Variants in CEP295 observed in about 807,000 individuals in gnomAD.
CEP295 encodes the protein centrosomal protein of 295 kDa.
CEP295 carries 190 observed loss-of-function variants against 291.6 expected under a neutral mutation model. That is an observed-to-expected ratio of 0.65 (90% CI 0.58 to 0.73). The LOEUF (loss-of-function observed/expected upper bound fraction) is 0.73, where lower values mean the gene tolerates loss of function less well. Ranked by LOEUF, CEP295 falls within the 30% of genes least tolerant of loss-of-function variation. The pLI is 0.00. For synonymous variants in CEP295, 993 were observed against 1,038.8 expected (o/e 0.96, Z 0.85); for missense variants, 2,863 against 2,949.4 (o/e 0.97, Z 0.68).
Position 93,698,953 on chromosome 11 carries a change from A to G in CEP295, c.4041A>G (p.Gln1347=), listed in dbSNP as rs755984402. Residue 1347 remains glutamine (Q), a synonymous_variant, in exon 15 of 30, where the codon CAA becomes CAG. Coordinates refer to ENST00000325212, the MANE Select transcript of CEP295 (RefSeq NM_033395.2). ...GGATATCGCAACTTATCCAGCCTCA[A>G]CAAGATAATTTGAAGGCACTTCAAG... ...LLRISQLIQP[Q]QDNLKALQEQ... is the part of the protein sequence containing the mutation. 63 of 1,551,436 alleles carry G rather than the reference A, an allele frequency of 4.1e-5. 1 individual carries two copies. Among genetic ancestry groups the G allele is most frequent in the South Asian group, 4.0e-4 (34 of 84,068 alleles).
chr11:93,692,615 G>T (rs1195158773), intron 12 of CEP295, among the ~76,000 whole-genome samples: 3 of 151,892 alleles, frequency 2.0e-5, no homozygotes, highest in African/African-American at 7.3e-5. Flanking sequence ...AGGCCACCAT[G>T]CCCAGCTAAT....
At chr11:93,690,224 A>T (rs1427114586) in intron 10 of CEP295, among the ~76,000 whole-genome samples, 1 of 152,168 alleles carries the variant, frequency 6.6e-6, no homozygotes, top group East Asian at 1.9e-4. Flanking sequence ...ATCCTGGCTA[A>T]CACGGTGAAA....
Position 93,683,540 on chromosome 11 carries a change from A to T in CEP295, c.766-19A>T. On this transcript the variant is annotated intron_variant, in intron 7 of 29. Transcript: ENST00000325212. ...AAAGTTTGTGACTCAGTTTTTGTTA[A>T]TTCTCTTTATTCTTGAAGAATCAGG... The T allele has an allele frequency of 6.8e-7, 1 of 1,481,134 alleles. No homozygotes were observed. The highest frequency in any genetic ancestry group is 8.9e-7 in the Non-Finnish European group (1 of 1,119,316). The allele number at this position is 1,481,134 out of a possible 1,614,324, so 91.7% of individuals were successfully genotyped here.
At position 93,727,487 on chromosome 11, in the gene CEP295, A is replaced by G. The variant is rs930069173; in HGVS notation, c.7011A>G (p.Pro2337=). The G allele has an allele frequency of 3.9e-6, 6 of 1,551,896 alleles. No individual in the cohort carries two copies. The African/African-American group carries it at 6.8e-5, about 18-fold the overall frequency. ...AGATGGGAACTTCAATTCAGGCACC[A>G]TATTCCTTAACTACTCAAAATGAAA... ...TVEMGTSIQA[P]YSLTTQNEKY... Residue 2337 remains proline, a synonymous_variant, in exon 24 of 30, where the codon CCA becomes CCG. Transcript: ENST00000325212.
chr11:93,690,169 T>G (rs1951447733), intron 10 of CEP295, among the ~76,000 whole-genome samples: 1 of 152,212 alleles, frequency 6.6e-6, no homozygotes, highest in African/African-American at 2.4e-5. Context: ...CCCAGCACTT[T>G]GGGAGGCCCA....
chr11:93,668,336 A>G (rs1047492459), intron 3 of CEP295, among the ~76,000 whole-genome samples: 4 of 152,098 alleles, frequency 2.6e-5, no homozygotes, highest in Admixed American at 1.3e-4. Flanking sequence ...ATATCTTAAG[A>G]CTGTGGCAAT....
At chr11:93,713,931 C>G (rs1158925322) in intron 18 of CEP295, among the ~76,000 whole-genome samples, 1 of 152,146 alleles carries the variant, frequency 6.6e-6, no homozygotes, top group East Asian at 1.9e-4. Flanking sequence ...TTGATCAGTT[C>G]TACTATTAAG....
rs180938497 is a variant in CEP295 at position 93,666,599 on chromosome 11, A to C, written c.-26-83A>C. ...ACAGAGCAAGACTCTGTCTCAAAAAAAAACAAACAAAATTATTCTAATCTT... is the reference window on the plus strand; with the variant it reads ...ACAGAGCAAGACTCTGTCTCAAAAACAAACAAACAAAATTATTCTAATCTT... On this transcript the variant is annotated intron_variant, in intron 1 of 29. Transcript: ENST00000325212. The C allele has an allele frequency of 3.3e-4, 203 of 613,966 alleles. 1 individual carries two copies. In the East Asian group the frequency reaches 3.9e-3, roughly 12 times the overall value. The allele number at this position is 613,966 out of a possible 1,614,324, so 38.0% of individuals were successfully genotyped here. A position where few individuals can be genotyped will look rare whatever the true frequency, so the allele number is the denominator to read the frequency against.
rs1565224991 is a variant in CEP295, at chr11:93,727,422, G to T, written c.6946G>T (p.Val2316Leu). ...TCRVLDINPQ[V>L]EETDSRLCVR... ...TAGGGTTTTAGACATAAATCCACAGGTAGAGGAAACTGACTCTCGATTATG... is the reference window on the plus strand; with the variant it reads ...TAGGGTTTTAGACATAAATCCACAGTTAGAGGAAACTGACTCTCGATTATG... Residue 2316 changes from valine to leucine, a missense_variant, in exon 24 of 30, where the codon GTA (valine) becomes TTA (leucine). Around this residue, in one of 3 missense-constraint regions of CEP295, gnomAD observed 2,295 missense variants for 2,335.7 expected, o/e 0.98. Transcript: ENST00000325212. The T allele has an allele frequency of 6.4e-7, 1 of 1,551,710 alleles. No individual in the cohort carries two copies. Among genetic ancestry groups the T allele is most frequent in the Non-Finnish European group, 8.7e-7 (1 of 1,146,912 alleles).
At chr11:93,728,632 T>C in intron 24 of CEP295, 49 bp from the exon 25 acceptor site, 3 of 1,471,988 alleles carry the variant, frequency 2.0e-6, no homozygotes, top group Non-Finnish European at 2.7e-6. Flanking sequence ...TTAGTTTAAG[T>C]CTTTTAAGGC....
intron 3 of CEP295, among the ~76,000 whole-genome samples, chr11:93,668,519 C>T (rs1383216420): frequency 6.6e-6 from 1 of 152,064 alleles, no homozygotes; most frequent in Non-Finnish European, 1.5e-5. Context: ...GGGAAACTAC[C>T]CATATCACTA....
intron 19 of CEP295, 177 bp from the exon 20 acceptor site, chr11:93,721,777 A>C (rs747652079): frequency 5.5e-6 from 4 of 730,360 alleles, no homozygotes; most frequent in Non-Finnish European, 1.0e-5. Context: ...ATGTATGTCT[A>C]TGAAAGCCTA....
rs916537203 is a variant in CEP295, at chr11:93,683,584, T to C, written c.791T>C (p.Leu264Pro). The C allele has an allele frequency of 7.9e-6, 12 of 1,517,718 alleles. No homozygotes were observed. In the Admixed American group the frequency reaches 2.8e-4, roughly 36 times the overall value. 94.0% of individuals were successfully genotyped at this position (1,517,718 alleles called of 1,614,324 possible). The change falls in exon 8 of 30, where the codon CTC becomes CCC. Residue 264 changes from leucine (L) to proline (P), a missense_variant. Coordinates refer to ENST00000325212, the MANE Select transcript of CEP295 (RefSeq NM_033395.2). ...AATCAGGAGAAACTAATGAAAGAACTCAAACAGCTACAGCAAGAGGACCTG... is the reference window on the plus strand; with the variant it reads ...AATCAGGAGAAACTAATGAAAGAACCCAAACAGCTACAGCAAGAGGACCTG... Reference protein sequence around the residue: ...AQNQEKLMKELKQLQQEDLAR... With the variant: ...AQNQEKLMKEPKQLQQEDLAR...
chr11:93,716,847 G>GT (rs1953289482), intron 18 of CEP295, among the ~76,000 whole-genome samples: 1 of 152,170 alleles, frequency 6.6e-6, no homozygotes, highest in Admixed American at 6.5e-5. Context: ...CCTTCACTAT[G>GT]GTGCCTAGGC....
In CEP295 at chr11:93,697,709, C is replaced by A; in HGVS notation, c.2797C>A (p.Gln933Lys). The A allele has an allele frequency of 6.4e-7, 1 of 1,551,674 alleles. No individual in the cohort carries two copies. The highest frequency in any genetic ancestry group is 8.7e-7 in the Non-Finnish European group (1 of 1,146,972). The change falls in exon 15 of 30, where the codon CAG (glutamine) becomes AAG (lysine). Residue 933 changes from glutamine (Q) to lysine (K), a missense_variant. Coordinates refer to ENST00000325212, the MANE Select transcript of CEP295 (RefSeq NM_033395.2). ...SSDHHVISQL[Q>K]DKRLSLSQPI... ...AGACCATCATGTGATCTCACAACTT[C>A]AGGATAAGCGTTTGAGTCTTTCACA... is the stretch of plus-strand genomic sequence containing the variant.
chr11:93,713,378 C>A (rs1953038789), intron 18 of CEP295, among the ~76,000 whole-genome samples: 1 of 152,106 alleles, frequency 6.6e-6, no homozygotes, highest in Non-Finnish European at 1.5e-5. Context: ...CCTTGTAGGA[C>A]AGGTCTGGTT....
rs200136546 is a variant in CEP295, at chr11:93,729,979, A to ATTTT, written c.7667+23_7667+26dup. On this transcript the variant is annotated intron_variant, in intron 28 of 29. Coordinates refer to ENST00000325212, the MANE Select transcript of CEP295 (RefSeq NM_033395.2). ...ACCAAAGGGGTCTAAGGTAGGGTTA[A>ATTTT]TTTTTTTTTTTTTTTTAGTGATTCA... 31 of 1,389,702 alleles carry ATTTT rather than the reference A, an allele frequency of 2.2e-5. No homozygotes were observed. Among genetic ancestry groups the ATTTT allele is most frequent in the South Asian group, 5.5e-5 (4 of 72,432 alleles). 86.1% of individuals were successfully genotyped at this position (1,389,702 alleles called of 1,614,324 possible).
Position 93,721,327 on chromosome 11 carries a change from CTGT to C in CEP295, c.5771_5773del (p.Val1924del), listed in dbSNP as rs1402177229. 11 of 1,551,692 alleles carry C rather than the reference CTGT, an allele frequency of 7.1e-6. No homozygotes were observed. The highest frequency in any genetic ancestry group is 9.6e-6 in the Non-Finnish European group (11 of 1,145,820). ...CATTTTTCAGTTAAGCTGAAGGAAT[CTGT>C]TGTTGAAAATCATGCAGTGTTAAGT... On this transcript the variant is annotated inframe_deletion, in exon 19 of 30. Transcript: ENST00000325212.
intron 15 of CEP295, among the ~76,000 whole-genome samples, chr11:93,700,804 C>A (rs1372977521): frequency 6.6e-6 from 1 of 152,146 alleles, no homozygotes; most frequent in Non-Finnish European, 1.5e-5. Context: ...GTAAAAATAA[C>A]TGGTTAGCAG....
Sources: gnomAD v4.1 joint callset for allele counts (sites outside exome capture counted in the v4.1 genomes callset) on GRCh38, gnomAD v4.1.1 for gene constraint, gnomAD v4.1.1 regional missense constraint, MANE v1.5 for transcripts, NCBI Gene and HGNC (gene_info 2026-07-23, HGNC 2026-07-21) for gene names.